ALDH1A2: variants seen among roughly 807,000 people sequenced by gnomAD.
The protein encoded by ALDH1A2 is aldehyde dehydrogenase 1 family member A2, also known as retinal dehydrogenase 2.
Under a neutral mutation model 60.3 loss-of-function variants are expected in ALDH1A2, and 27 were observed. The ratio of observed to expected loss-of-function variants is 0.45; its 90% CI spans 0.33 to 0.62. The LOEUF is 0.62. Among genes scored for constraint, ALDH1A2 ranks in the 20% least tolerant of loss-of-function variants. The probability of loss-of-function intolerance (pLI) is 0.02; values close to 1 mark genes in which losing one functional copy is unlikely to be tolerated. For missense variants in ALDH1A2, 581 were observed against 643.8 expected (o/e 0.90, Z 1.06); for synonymous variants, 289 against 232.4 (o/e 1.24, Z -2.21).
At chr15:57,970,554 A>C (rs1277245673) in intron 7 of ALDH1A2, among the ~76,000 whole-genome samples, 4 of 152,222 alleles carry the variant, frequency 2.6e-5, no homozygotes, top group Non-Finnish European at 4.4e-5. Flanking sequence ...TTTGTTATAC[A>C]GGACAAAAAG....
chr15:57,972,906 G>GCTAA (rs1404914796), intron 7 of ALDH1A2, among the ~76,000 whole-genome samples: 1 of 152,144 alleles, frequency 6.6e-6, no homozygotes, highest in African/African-American at 2.4e-5. Flanking sequence ...GAGGGGTGAA[G>GCTAA]CTAACTAGGA....
intron 4 of ALDH1A2, among the ~76,000 whole-genome samples, chr15:57,999,389 C>A (rs1895181300): frequency 6.6e-6 from 1 of 151,872 alleles, no homozygotes; most frequent in Non-Finnish European, 1.5e-5. Context: ...AGGACATGAA[C>A]AGACACTTCT....
chr15:57,980,371 G>C (rs1894451530), intron 7 of ALDH1A2: 1 of 374,336 alleles, frequency 2.7e-6, no homozygotes, highest in African/African-American at 2.1e-5. Flanking sequence ...CTACAGCCTT[G>C]ATGAAGTTGG....
chr15:58,038,373 G>C (rs1391779229), intron 1 of ALDH1A2: 4 of 151,662 alleles, frequency 2.6e-5, no homozygotes, highest in Non-Finnish European at 5.9e-5. Flanking sequence ...AAGAGACAGA[G>C]GCCACTGCTT....
intron 4 of ALDH1A2, among the ~76,000 whole-genome samples, chr15:58,008,083 A>T (rs1338675001): frequency 6.6e-6 from 1 of 152,040 alleles, no homozygotes; most frequent in Non-Finnish European, 1.5e-5. Flanking sequence ...ACAGCTGCCA[A>T]GTTAACCTCT....
chr15:57,958,214 G>GCGCACGCACACACACA (rs67551670), intron 12 of ALDH1A2, among the ~76,000 whole-genome samples: 36 of 151,818 alleles, frequency 2.4e-4, no homozygotes, highest in Admixed American at 1.4e-3. Flanking sequence ...GTACACGCAC[G>GCGCACGCACACACACA]CACACACACA....
At chr15:58,002,882 T>G (rs542241662) in intron 4 of ALDH1A2, among the ~76,000 whole-genome samples, 1 of 151,964 alleles carries the variant, frequency 6.6e-6, no homozygotes, top group African/African-American at 2.4e-5. Context: ...CTGTAGCAGA[T>G]TCCCATCATG....
intron 1 of ALDH1A2, among the ~76,000 whole-genome samples, chr15:58,035,548 A>T (rs1896358010): frequency 6.6e-6 from 1 of 151,662 alleles, no homozygotes; most frequent in Non-Finnish European, 1.5e-5. Context: ...AAATATATGC[A>T]TTCAGTGTGA....
chr15:57,979,290 A>C (rs1227630122), intron 7 of ALDH1A2, among the ~76,000 whole-genome samples: 3 of 152,184 alleles, frequency 2.0e-5, no homozygotes, highest in African/African-American at 7.2e-5. Flanking sequence ...CAGGAAAAAA[A>C]AATGTATTTT....
At chr15:57,986,327 C>G (rs138097747) in intron 7 of ALDH1A2, among the ~76,000 whole-genome samples, 6 of 152,140 alleles carry the variant, frequency 3.9e-5, no homozygotes, top group Non-Finnish European at 4.4e-5. Context: ...TAAGAAAGAT[C>G]TTGTTGAACA....
At position 58,037,612 on chromosome 15, in the gene ALDH1A2, C is replaced by T. The variant is rs189463885; in HGVS notation, c.118-23331G>A. 3.1e-3 allele frequency among the ~76,000 whole-genome samples: 464 copies of T among 151,780 alleles called. 3 individuals are homozygous for T. Among genetic ancestry groups the T allele is most frequent in the African/African-American group, 0.011 (444 of 41,482 alleles). Reference sequence around the variant, plus strand: ...AAGAAATAAATGTGATATTCACATTCTTGTGCATCATAATTCTATTTGCAG... The same window carrying T: ...AAGAAATAAATGTGATATTCACATTTTTGTGCATCATAATTCTATTTGCAG... On this transcript the variant is annotated intron_variant, in intron 1 of 12. Transcript: ENST00000249750.
chr15:58,007,529 A>C (rs984159946), intron 4 of ALDH1A2, among the ~76,000 whole-genome samples: 2 of 152,052 alleles, frequency 1.3e-5, no homozygotes, highest in Admixed American at 6.6e-5. Flanking sequence ...ACAAGACACT[A>C]AACCCTTGCA....
At chr15:58,064,333 C>T (rs1456693856) in intron 1 of ALDH1A2, among the ~76,000 whole-genome samples, 2 of 152,160 alleles carry the variant, frequency 1.3e-5, no homozygotes, top group East Asian at 1.9e-4. Context: ...CTAGCAGGTA[C>T]ATTAAATCCA....
intron 7 of ALDH1A2, among the ~76,000 whole-genome samples, chr15:57,979,504 T>A (rs1964429): frequency 5.3e-5 from 8 of 151,966 alleles, no homozygotes; most frequent in Admixed American, 2.6e-4. Context: ...GGATATGGCC[T>A]TGACCCCTTC....
At chr15:58,024,590 C>CA (rs1424494311) in intron 1 of ALDH1A2, among the ~76,000 whole-genome samples, 4 of 152,094 alleles carry the variant, frequency 2.6e-5, no homozygotes. Flanking sequence ...TCTAAATAGA[C>CA]AGACTACAAT....
At chr15:57,961,419 T>C in intron 10 of ALDH1A2, 125 bp from the exon 11 acceptor site, 1 of 1,210,574 alleles carries the variant, frequency 8.3e-7, no homozygotes, top group Non-Finnish European at 1.2e-6. Flanking sequence ...AGTACAAAAC[T>C]GTAAAATCTC....
chr15:57,967,790 C>T (rs1288992109), intron 7 of ALDH1A2, among the ~76,000 whole-genome samples: 5 of 152,170 alleles, frequency 3.3e-5, no homozygotes, highest in Non-Finnish European at 4.4e-5. Flanking sequence ...GACTGCCCTT[C>T]CCCCGCCCTT....
At chr15:57,968,591 C>A (rs1193633403) in intron 7 of ALDH1A2, among the ~76,000 whole-genome samples, 1 of 152,240 alleles carries the variant, frequency 6.6e-6, no homozygotes, top group Non-Finnish European at 1.5e-5. Flanking sequence ...GGAATATCAC[C>A]TCTTCTAGAC....
At chr15:57,955,355 T>G in intron 12 of ALDH1A2, 86 bp from the exon 13 acceptor site, 1 of 1,391,678 alleles carries the variant, frequency 7.2e-7, no homozygotes. Context: ...GAGGTGCAGT[T>G]TATCACCTGC....
Sources: allele counts gnomAD v4.1 joint callset (sites outside exome capture counted in the v4.1 genomes callset), GRCh38; gene constraint gnomAD v4.1.1; transcripts MANE v1.5; gene names NCBI Gene and HGNC (gene_info 2026-07-23, HGNC 2026-07-21).